Variants in ERICH1 observed in about 807,000 individuals in gnomAD.
ERICH1 encodes the protein glutamate-rich protein 1.
A neutral mutation model predicts 39.6 loss-of-function variants in ERICH1; 56 were observed. The observed-to-expected ratio is 1.41, with a 90% CI of 1.14 to 1.77. The LOEUF is 1.77. Ranked by LOEUF, ERICH1 falls within the 40% of genes most tolerant of loss-of-function variation. The pLI, the probability that ERICH1 is intolerant of heterozygous loss-of-function variation, is 0.00. For synonymous variants in ERICH1, 313 were observed against 223.6 expected (o/e 1.40, Z -3.57); for missense variants, 826 against 575.4 (o/e 1.44, Z -4.45).
intron 2 of ERICH1, among the ~76,000 whole-genome samples, chr8:697,562 C>G (rs1810615567): frequency 6.6e-6 from 1 of 152,172 alleles, no homozygotes; most frequent in Admixed American, 6.5e-5. Context: ...TCAAATCGTC[C>G]CCTCACCTGG....
intron 2 of ERICH1, among the ~76,000 whole-genome samples, chr8:703,219 G>A (rs984663396): frequency 4.6e-5 from 7 of 152,134 alleles, no homozygotes; most frequent in South Asian, 2.1e-4. Flanking sequence ...TTAATGGCAC[G>A]TCAGTAAGAT....
chr8:682,634 G>T (rs1247588992), intron 3 of ERICH1, among the ~76,000 whole-genome samples: 1 of 152,218 alleles, frequency 6.6e-6, no homozygotes, highest in Non-Finnish European at 1.5e-5. Context: ...TTGAAAAGCT[G>T]CCATCCCCAA....
At chr8:691,533 A>AT (rs1808918878) in intron 3 of ERICH1, among the ~76,000 whole-genome samples, 1 of 152,274 alleles carries the variant, frequency 6.6e-6, no homozygotes, top group South Asian at 2.1e-4. Context: ...TCTTGGACAG[A>AT]TTAAGTACGC....
At chr8:728,631 A>G (rs574869366) in intron 1 of ERICH1, among the ~76,000 whole-genome samples, 3 of 152,322 alleles carry the variant, frequency 2.0e-5, no homozygotes, top group Admixed American at 6.5e-5. Flanking sequence ...GGTAGAATGG[A>G]GGCCATAGTG....
At chr8:666,117 A>G (rs1432439849) in intron 5 of ERICH1, 1 of 152,234 alleles carries the variant, frequency 6.6e-6, no homozygotes, top group Non-Finnish European at 1.5e-5. Context: ...GTTTAGTTCT[A>G]TCAGTGGCTT....
At chr8:724,793 C>T (rs67828758) in intron 1 of ERICH1, among the ~76,000 whole-genome samples, 75,742 of 152,050 alleles carry the variant, frequency 0.5, 19,182 homozygotes, top group African/African-American at 0.57. Flanking sequence ...CGACAAGCCC[C>T]GTGTTGTTTG....
rs553953342 is a variant in ERICH1 at position 674,016 on chromosome 8, T to C, written c.336A>G (p.Arg112=). Residue 112 remains arginine (R), a synonymous_variant, in exon 4 of 6, where the codon AGA becomes AGG. Transcript: ENST00000262109. ...TCTTTGATTTATGCTTCCTAATTCT[T>C]CTTCTCTTTGGCTGGTCATGAGGAT... ...DQDPHDQPKR[R]RIRKHKSKKK... is the part of the protein sequence containing the mutation. 3 of 1,570,798 alleles carry C rather than the reference T, an allele frequency of 1.9e-6. No individual in the cohort carries two copies. Among genetic ancestry groups the C allele is most frequent in the Non-Finnish European group, 2.6e-6 (3 of 1,170,832 alleles).
At chr8:638,228 G>A (rs928572022) in intron 3 of ERICH1, among the ~76,000 whole-genome samples, 2 of 152,202 alleles carry the variant, frequency 1.3e-5, no homozygotes, top group Admixed American at 6.5e-5. Context: ...TTACATCTGT[G>A]ATTTCAGAGC....
At position 668,698 on chromosome 8, in the gene ERICH1, C is replaced by A. The variant is rs755275460; in HGVS notation, c.1158G>T (p.Val386=). 1 of 1,614,114 alleles carries A rather than the reference C, an allele frequency of 6.2e-7. No individual in the cohort carries two copies. Among genetic ancestry groups the A allele is most frequent in the Non-Finnish European group, 8.5e-7 (1 of 1,180,038 alleles). The change falls in exon 5 of 6, where the codon GTG becomes GTT. Residue 386 remains valine (V), a synonymous_variant. Coordinates refer to ENST00000262109, the MANE Select transcript of ERICH1 (RefSeq NM_207332.3). ...GCGTTTTCATGTGGTACAGGATGGACACGTCTGAGGGCAGCATGCTGTGTG... is the reference window on the plus strand; with the variant it reads ...GCGTTTTCATGTGGTACAGGATGGAAACGTCTGAGGGCAGCATGCTGTGTG... ...LASHSMLPSD[V]SILYHMKTLL...
At chr8:651,980 A>G (rs1800015098) in intron 3 of ERICH1, among the ~76,000 whole-genome samples, 1 of 152,212 alleles carries the variant, frequency 6.6e-6, no homozygotes, top group African/African-American at 2.4e-5. Flanking sequence ...ACTATTTTGC[A>G]ACCCGAATGA....
chr8:651,421 C>T lies in ERICH1; in HGVS notation c.976+17177G>A, dbSNP rs185612445. On this transcript the variant is annotated intron_variant, in intron 3 of 3. Transcript: ENST00000522706. Reference sequence around the variant, plus strand: ...AGCAGCTGATCCCAGCTCCGGGGCACAGAAAGTTTCCGGTAAGCCTGGGGC... The same window carrying T: ...AGCAGCTGATCCCAGCTCCGGGGCATAGAAAGTTTCCGGTAAGCCTGGGGC... Among the ~76,000 whole-genome samples, 50 of 152,350 alleles carry T rather than the reference C, an allele frequency of 3.3e-4. 1 individual carries two copies. Among genetic ancestry groups the T allele is most frequent in the African/African-American group, 1.2e-3 (50 of 41,588 alleles).
In ERICH1 at chr8:683,604, G is replaced by A. The variant is rs181449831; in HGVS notation, c.304+8874C>T. On this transcript the variant is annotated intron_variant, in intron 3 of 5. Coordinates refer to ENST00000262109, the MANE Select transcript of ERICH1 (RefSeq NM_207332.3). The stretch of plus-strand genomic sequence containing the variant: ...AGCTGGAAATGTGGCCTCCTCCCCC[G>A]GCTCCATGCCAGCTGCAGGACATCA... Among the ~76,000 whole-genome samples the A allele has an allele frequency of 1.8e-3, 269 of 152,284 alleles. 1 individual carries two copies. Among genetic ancestry groups the A allele is most frequent in the African/African-American group, 5.6e-3 (232 of 41,556 alleles).
At chr8:624,347 C>G (rs1237841433) in intron 3 of ERICH1, among the ~76,000 whole-genome samples, 2 of 152,192 alleles carry the variant, frequency 1.3e-5, no homozygotes, top group African/African-American at 2.4e-5. Context: ...ATGTGGAACA[C>G]AGTCCAGCAA....
chr8:708,497 C>T (rs569428773), intron 2 of ERICH1, among the ~76,000 whole-genome samples: 18 of 152,024 alleles, frequency 1.2e-4, no homozygotes, highest in Admixed American at 3.9e-4. Context: ...ACCCATGCTA[C>T]AACATGAATG....
At chr8:704,718 A>C (rs1812873524) in intron 2 of ERICH1, among the ~76,000 whole-genome samples, 1 of 152,194 alleles carries the variant, frequency 6.6e-6, no homozygotes, top group Non-Finnish European at 1.5e-5. Flanking sequence ...TTAGTTTCCA[A>C]AGTCAATACA....
Position 664,381 on chromosome 8 carries a change from T to G in ERICH1, c.*222A>C. 8.4e-7 allele frequency: 1 copy of G among 1,190,278 alleles called. No individual in the cohort carries two copies. The highest frequency in any genetic ancestry group is 3.8e-5 in the South Asian group (1 of 26,396). The allele number at this position is 1,190,278 out of a possible 1,614,324, so 73.7% of individuals were successfully genotyped here. ...ACAGAATCAAGTTTTATGTAGTAAT[T>G]CAAGATATATATAATTGCAAATAAG... On this transcript the variant is annotated 3_prime_UTR_variant, in exon 6 of 6. Transcript: ENST00000262109.
At chr8:625,995 A>C (rs1797578746) in intron 3 of ERICH1, 2 of 152,166 alleles carry the variant, frequency 1.3e-5, no homozygotes, top group South Asian at 4.1e-4. Flanking sequence ...TTTTTATTCC[A>C]TTTTCATCCA....
chr8:623,077 A>T (rs1426318917), intron 3 of ERICH1, among the ~76,000 whole-genome samples: 8 of 152,224 alleles, frequency 5.3e-5, no homozygotes, highest in African/African-American at 1.9e-4. Context: ...ATTTTATAGA[A>T]CAGTATGACG....
In ERICH1 at chr8:708,050, C is replaced by T. The variant is rs140547897; in HGVS notation, c.169+7811G>A. Among the ~76,000 whole-genome samples, 17 of 152,210 alleles carry T rather than the reference C, an allele frequency of 1.1e-4. No homozygotes were observed. The East Asian group carries it at 2.5e-3, about 22-fold the overall frequency. On this transcript the variant is annotated intron_variant, in intron 2 of 5. Transcript: ENST00000262109. Reference sequence around the variant, plus strand: ...CACGCAGGGAAAGATGCTCAACATTCTCAGTCATCAGAAAAATGGAAAACC... The same window carrying T: ...CACGCAGGGAAAGATGCTCAACATTTTCAGTCATCAGAAAAATGGAAAACC...
Sources: gnomAD v4.1 joint callset for allele counts (sites outside exome capture counted in the v4.1 genomes callset) on GRCh38, gnomAD v4.1.1 for gene constraint, MANE v1.5 for transcripts, NCBI Gene and HGNC (gene_info 2026-07-23, HGNC 2026-07-21) for gene names.